Variants in TAFA4 observed in about 807,000 individuals in gnomAD.
TAFA4 encodes TAFA chemokine like family member 4.
In TAFA4, 20 loss-of-function variants were observed where a neutral mutation model predicts 21.1. The ratio of observed to expected loss-of-function variants is 0.95; its 90% CI spans 0.67 to 1.38. TAFA4 has a LOEUF of 1.38. Among genes scored for constraint, TAFA4 ranks in the 40% most tolerant of loss-of-function variants. The probability of loss-of-function intolerance (pLI) is 0.00; values close to 1 mark genes in which losing one functional copy is unlikely to be tolerated. For synonymous variants in TAFA4, 71 were observed against 67.4 expected (o/e 1.05, Z -0.26); for missense variants, 211 against 180.9 (o/e 1.17, Z -0.95).
intron 1 of TAFA4, among the ~76,000 whole-genome samples, chr3:68,893,874 A>G (rs1194890188): frequency 6.6e-6 from 1 of 152,196 alleles, no homozygotes; most frequent in Non-Finnish European, 1.5e-5. Context: ...CTATGCTAAC[A>G]TTTTTAACTG....
At chr3:68,814,011 C>T in intron 3 of TAFA4, among the ~76,000 whole-genome samples, 1 of 152,194 alleles carries the variant, frequency 6.6e-6, no homozygotes, top group East Asian at 1.9e-4. Context: ...GCTGGTTCAA[C>T]ATACGCAAAT....
chr3:68,895,149 C>T (rs571039607), intron 1 of TAFA4, among the ~76,000 whole-genome samples: 118 of 152,310 alleles, frequency 7.7e-4, no homozygotes, highest in Non-Finnish European at 1.4e-3. Context: ...AGGCGCCCGC[C>T]ACCATGCCCA....
intron 3 of TAFA4, among the ~76,000 whole-genome samples, chr3:68,777,337 C>CTTAAATGTCCAAGAAA (rs1460111649): frequency 6.6e-6 from 1 of 152,030 alleles, no homozygotes; most frequent in African/African-American, 2.4e-5. Context: ...TTCAGGGTAG[C>CTTAAATGTCCAAGAAA]ACTGTCCAAG....
intron 3 of TAFA4, among the ~76,000 whole-genome samples, chr3:68,871,609 G>T (rs537645631): frequency 2.0e-5 from 3 of 152,142 alleles, no homozygotes; most frequent in African/African-American, 7.2e-5. Flanking sequence ...AAAGTGAAAA[G>T]ATAACCTATG....
At chr3:68,794,851 G>C (rs1703424655) in intron 3 of TAFA4, among the ~76,000 whole-genome samples, 1 of 151,606 alleles carries the variant, frequency 6.6e-6, no homozygotes, top group South Asian at 2.1e-4. Flanking sequence ...AGAGAGATAA[G>C]TCATAGGAAT....
intron 3 of TAFA4, among the ~76,000 whole-genome samples, chr3:68,805,843 A>G (rs1384712813): frequency 2.0e-5 from 3 of 152,138 alleles, no homozygotes; most frequent in African/African-American, 4.8e-5. Context: ...ATTAGGAGAT[A>G]TACCTAATGC....
At chr3:68,908,166 G>C (rs1387734) in intron 1 of TAFA4, among the ~76,000 whole-genome samples, 150,722 of 152,334 alleles carry the variant, frequency 0.99, 74,584 homozygotes, top group Middle Eastern at 1. Flanking sequence ...ACTAAATAAC[G>C]CTCTAAAAGT....
intron 3 of TAFA4, among the ~76,000 whole-genome samples, chr3:68,839,763 G>T (rs1039894794): frequency 6.6e-6 from 1 of 152,192 alleles, no homozygotes; most frequent in African/African-American, 2.4e-5. Context: ...CAAAGGAGGT[G>T]CTGGGTCTCT....
intron 1 of TAFA4, among the ~76,000 whole-genome samples, chr3:68,902,618 A>G (rs1647571319): frequency 6.6e-6 from 1 of 152,058 alleles, no homozygotes; most frequent in Non-Finnish European, 1.5e-5. Context: ...TCCACCTACC[A>G]CAGGCTCCCA....
intron 4 of TAFA4, among the ~76,000 whole-genome samples, chr3:68,751,032 A>G (rs1350341466): frequency 1.3e-5 from 2 of 152,248 alleles, no homozygotes; most frequent in Non-Finnish European, 2.9e-5. Context: ...AGAACTTACA[A>G]GAGATTTGAA....
intron 3 of TAFA4, among the ~76,000 whole-genome samples, chr3:68,840,715 T>C (rs761618326): frequency 1.2e-4 from 19 of 152,056 alleles, no homozygotes; most frequent in Non-Finnish European, 2.1e-4. Flanking sequence ...CCCTCCCATA[T>C]AGAAAAAGTA....
At position 68,800,417 on chromosome 3, in the gene TAFA4, A is replaced by G. The variant is rs1041060267; in HGVS notation, c.131-47399T>C. ...TACAGAATAACGGTGCTGACCCTGA[A>G]CCCCAGTGAGCACAACAACAATCTG... On this transcript the variant is annotated intron_variant, in intron 3 of 5. Coordinates refer to ENST00000295569, the MANE Select transcript of TAFA4 (RefSeq NM_182522.5). Among the ~76,000 whole-genome samples the G allele has an allele frequency of 2.6e-5, 4 of 152,258 alleles. No individual in the cohort carries two copies. In the East Asian group the frequency reaches 7.7e-4, roughly 29 times the overall value.
chr3:68,899,252 ACCT>A (rs1345434358), intron 1 of TAFA4, among the ~76,000 whole-genome samples: 1 of 152,156 alleles, frequency 6.6e-6, no homozygotes, highest in Non-Finnish European at 1.5e-5. Flanking sequence ...AAAAAGAACT[ACCT>A]CATTAATAAT....
At chr3:68,829,395 T>A (rs1262613814) in intron 3 of TAFA4, among the ~76,000 whole-genome samples, 1 of 152,244 alleles carries the variant, frequency 6.6e-6, no homozygotes. Flanking sequence ...GTTTTTAGCA[T>A]GAAAGGCTGT....
intron 3 of TAFA4, among the ~76,000 whole-genome samples, chr3:68,815,508 T>C (rs1559530863): frequency 6.6e-6 from 1 of 152,120 alleles, no homozygotes; most frequent in African/African-American, 2.4e-5. Context: ...GCAAAGGATA[T>C]GAACAGACAC....
chr3:68,856,565 G>C (rs1173874076), intron 3 of TAFA4, among the ~76,000 whole-genome samples: 1 of 152,126 alleles, frequency 6.6e-6, no homozygotes, highest in Admixed American at 6.5e-5. Context: ...AGGCTCCATA[G>C]GTACAACAAC....
At chr3:68,888,170 T>G (rs1451223110) in intron 1 of TAFA4, among the ~76,000 whole-genome samples, 1 of 152,140 alleles carries the variant, frequency 6.6e-6, no homozygotes, top group African/African-American at 2.4e-5. Flanking sequence ...TATAAAACAC[T>G]TCCATCTTCT....
At chr3:68,840,762 T>C (rs1305955944) in intron 3 of TAFA4, among the ~76,000 whole-genome samples, 1 of 152,168 alleles carries the variant, frequency 6.6e-6, no homozygotes, top group African/African-American at 2.4e-5. Context: ...ACTCTCTTCA[T>C]GCATGGGGAA....
intron 3 of TAFA4, among the ~76,000 whole-genome samples, chr3:68,869,183 T>G (rs1358265399): frequency 6.6e-6 from 1 of 151,586 alleles, no homozygotes; most frequent in Non-Finnish European, 1.5e-5. Flanking sequence ...CTCAAACAGA[T>G]CAATAACAAA....
Sources: gnomAD v4.1 joint callset for allele counts (sites outside exome capture counted in the v4.1 genomes callset) on GRCh38, gnomAD v4.1.1 for gene constraint, MANE v1.5 for transcripts, NCBI Gene and HGNC (gene_info 2026-07-23, HGNC 2026-07-21) for gene names.